Variants in TBC1D32 observed in about 807,000 individuals in gnomAD.
The protein encoded by TBC1D32 is TBC1 domain family member 32.
A neutral mutation model predicts 170.3 loss-of-function variants in TBC1D32; 151 were observed. The ratio of observed to expected loss-of-function variants is 0.89; its 90% CI spans 0.78 to 1.01. The LOEUF (loss-of-function observed/expected upper bound fraction) is 1.01, where lower values mean the gene tolerates loss of function less well. TBC1D32 is among the 50% of genes least tolerant of loss of function. TBC1D32 has a pLI of 0.00. For missense variants in TBC1D32, 1,464 were observed against 1,457.1 expected, an observed-to-expected ratio of 1.00 and a Z score of -0.08; for synonymous variants, 498 against 488.0, an observed-to-expected ratio of 1.02 and a Z score of -0.27.
At chr6:121,242,490 TA>T in intron 17 of TBC1D32, 151 bp from the exon 18 acceptor site, 1 of 661,440 alleles carries the variant, frequency 1.5e-6, no homozygotes, top group Non-Finnish European at 2.4e-6. Context: ...TAAAATTAAA[TA>T]AAAACATGGT....
chr6:121,199,265 C>T (rs979466470), intron 22 of TBC1D32, among the ~76,000 whole-genome samples: 1 of 151,076 alleles, frequency 6.6e-6, no homozygotes, highest in Non-Finnish European at 1.5e-5. Context: ...GAGATTCAAT[C>T]GTGTACTGGA....
At chr6:121,277,057 T>G (rs112370264) in intron 15 of TBC1D32, among the ~76,000 whole-genome samples, 2,879 of 152,290 alleles carry the variant, frequency 0.019, 102 homozygotes, top group African/African-American at 0.066. Flanking sequence ...CAGCTGAATA[T>G]AATTGACATC....
chr6:121,322,136 G>GT (rs757045846), intron 1 of TBC1D32, among the ~76,000 whole-genome samples: 37 of 152,088 alleles, frequency 2.4e-4, no homozygotes, highest in Non-Finnish European at 5.0e-4. Flanking sequence ...AGGATTTTCA[G>GT]TTATTCGAGC....
intron 4 of TBC1D32, among the ~76,000 whole-genome samples, chr6:121,308,424 C>G (rs760792324): frequency 6.6e-6 from 1 of 151,884 alleles, no homozygotes; most frequent in Non-Finnish European, 1.5e-5. Flanking sequence ...TTTCCAGTAG[C>G]CTTGTCCTAC....
At chr6:121,187,692 A>T (rs1194929631) in intron 22 of TBC1D32, among the ~76,000 whole-genome samples, 1 of 151,232 alleles carries the variant, frequency 6.6e-6, no homozygotes, top group Non-Finnish European at 1.5e-5. Context: ...AACCCACAAG[A>T]GAGAAAAGAA....
chr6:121,178,308 T>G (rs1280182637), intron 22 of TBC1D32, among the ~76,000 whole-genome samples: 1 of 152,032 alleles, frequency 6.6e-6, no homozygotes, highest in Non-Finnish European at 1.5e-5. Flanking sequence ...TGACTCTGGA[T>G]TTTGTTATGG....
intron 3 of TBC1D32, among the ~76,000 whole-genome samples, chr6:121,313,274 A>ATT (rs1164149264): frequency 2.0e-4 from 25 of 125,506 alleles, no homozygotes; most frequent in African/African-American, 4.1e-4. Context: ...CCTGGCCTTA[A>ATT]TTTTTTTTTT....
At chr6:121,257,225 C>A (rs746961842) in intron 15 of TBC1D32, among the ~76,000 whole-genome samples, 10 of 152,010 alleles carry the variant, frequency 6.6e-5, no homozygotes, top group Non-Finnish European at 1.5e-4. Context: ...TAAAGTTTAA[C>A]TTCTTTTGTT....
At chr6:121,083,184 A>C (rs1366816196) in intron 31 of TBC1D32, among the ~76,000 whole-genome samples, 1 of 152,028 alleles carries the variant, frequency 6.6e-6, no homozygotes, top group Non-Finnish European at 1.5e-5. Flanking sequence ...AAAGTATATC[A>C]AACTCTATAT....
At chr6:121,112,131 T>C (rs933862374) in intron 29 of TBC1D32, among the ~76,000 whole-genome samples, 10 of 152,130 alleles carry the variant, frequency 6.6e-5, no homozygotes, top group Non-Finnish European at 1.5e-4. Flanking sequence ...ATCTTCCTAA[T>C]AAATGATTTT....
chr6:121,154,185 G>T (rs1185498914), intron 24 of TBC1D32, among the ~76,000 whole-genome samples: 2 of 152,132 alleles, frequency 1.3e-5, no homozygotes, highest in African/African-American at 4.8e-5. Context: ...CGTAGTACCT[G>T]GACTGGATAG....
chr6:121,304,108 C>T (rs1414978951), intron 8 of TBC1D32, among the ~76,000 whole-genome samples: 3 of 18,376 alleles, frequency 1.6e-4, no homozygotes, highest in African/African-American at 4.6e-4. Context: ...ATCACTGATA[C>T]ATTAAAAAAA....
intron 22 of TBC1D32, among the ~76,000 whole-genome samples, chr6:121,176,021 G>A (rs914091840): frequency 2.0e-5 from 3 of 152,080 alleles, no homozygotes; most frequent in East Asian, 1.9e-4. Flanking sequence ...TTGGCAATTC[G>A]CCAATAAACA....
At chr6:121,224,283 A>G (rs989704764) in intron 20 of TBC1D32, 3 of 152,144 alleles carry the variant, frequency 2.0e-5, no homozygotes, top group Non-Finnish European at 2.9e-5. Context: ...AGACTTTCCA[A>G]TTAACTCTAT....
intron 3 of TBC1D32, among the ~76,000 whole-genome samples, chr6:121,312,094 C>A (rs1431133092): frequency 6.6e-6 from 1 of 152,080 alleles, no homozygotes; most frequent in Non-Finnish European, 1.5e-5. Context: ...TGTCTTGGAA[C>A]AAAAAACCAA....
chr6:121,181,845 A>G (rs1788559886), intron 22 of TBC1D32, among the ~76,000 whole-genome samples: 1 of 152,134 alleles, frequency 6.6e-6, no homozygotes. Flanking sequence ...ACTGGACATC[A>G]TTATGTTAAG....
chr6:121,174,964 C>T (rs985109622), intron 22 of TBC1D32, among the ~76,000 whole-genome samples: 6 of 145,400 alleles, frequency 4.1e-5, no homozygotes, highest in Non-Finnish European at 8.9e-5. Context: ...CCCAGGGGGT[C>T]GAGGTTGCAG....
rs368500488 is a variant in TBC1D32 at position 121,291,539 on chromosome 6, G to A, written c.1372+514C>T. 4.0e-5 allele frequency among the ~76,000 whole-genome samples: 6 copies of A among 151,292 alleles called. No homozygotes were observed. The East Asian group carries it at 9.7e-4, about 24-fold the overall frequency. ...GTTTAAGTATATACTAACAGCATGT[G>A]CTGAAGTTTGATGGGGAAAAAGTAA... On this transcript the variant is annotated intron_variant, in intron 12 of 31. Transcript: ENST00000398212.
chr6:121,154,481 T>C (rs1184880874), intron 24 of TBC1D32, among the ~76,000 whole-genome samples: 2 of 152,194 alleles, frequency 1.3e-5, no homozygotes, highest in African/African-American at 4.8e-5. Context: ...TACTTGTTGA[T>C]TTGTTCAAGG....
Sources: allele counts gnomAD v4.1 joint callset (sites outside exome capture counted in the v4.1 genomes callset), GRCh38; gene constraint gnomAD v4.1.1; transcripts MANE v1.5; gene names NCBI Gene and HGNC (gene_info 2026-07-23, HGNC 2026-07-21).